TMEM272: variants seen among roughly 807,000 people sequenced by gnomAD.
TMEM272 encodes long intergenic non-protein coding RNA 282.
A neutral mutation model predicts 3.7 loss-of-function variants in TMEM272; 8 were observed. The observed-to-expected ratio is 2.17, with a 90% confidence interval of 1.27 to 3.91. The LOEUF (loss-of-function observed/expected upper bound fraction) is 3.91. TMEM272 is among the 30% of genes most tolerant of loss of function. TMEM272 has a pLI of 0.00. For synonymous variants in TMEM272, 63 were observed against 39.8 expected (o/e 1.58, Z -2.20); for missense variants, 166 against 91.5 (o/e 1.81, Z -3.32).
the TMEM272 span, among the ~76,000 whole-genome samples, chr13:51,851,063 T>C: frequency 6.6e-6 from 1 of 152,158 alleles, no homozygotes; most frequent in Non-Finnish European, 1.5e-5. Context: ...TTTTAAGATT[T>C]GTTTAAAAGA....
At chr13:51,822,496 A>C (rs564052969) in intron 3 of TMEM272, among the ~76,000 whole-genome samples, 1 of 152,322 alleles carries the variant, frequency 6.6e-6, no homozygotes, top group East Asian at 1.9e-4. Context: ...GATCCCTTTA[A>C]ATATACGGTT....
chr13:51,909,008 C>A, the TMEM272 span: 2 of 1,464,164 alleles, frequency 1.4e-6, no homozygotes, highest in South Asian at 2.3e-5. Context: ...GTGGACCCTC[C>A]AACAAAGTCG....
chr13:51,874,883 A>G, the TMEM272 span, among the ~76,000 whole-genome samples: 2 of 152,132 alleles, frequency 1.3e-5, no homozygotes, highest in Admixed American at 1.3e-4. Flanking sequence ...ATGAGCTCTT[A>G]AGTAATATAA....
chr13:51,837,838 G>C (rs543724247), intron 2 of TMEM272, among the ~76,000 whole-genome samples: 1 of 152,338 alleles, frequency 6.6e-6, no homozygotes, highest in African/African-American at 2.4e-5. Context: ...ACTGACTGCA[G>C]CTTCCTGATA....
intron 1 of TMEM272, among the ~76,000 whole-genome samples, chr13:51,841,133 A>G (rs929960547): frequency 6.6e-6 from 1 of 152,238 alleles, no homozygotes; most frequent in African/African-American, 2.4e-5. Context: ...TGATAAGCCC[A>G]GTTATCTAAA....
At chr13:51,880,139 C>T in the TMEM272 span, among the ~76,000 whole-genome samples, 1 of 152,110 alleles carries the variant, frequency 6.6e-6, no homozygotes, top group African/African-American at 2.4e-5. Context: ...GATTTGAGAA[C>T]ATTAGTAATA....
At chr13:51,854,793 A>G in the TMEM272 span, among the ~76,000 whole-genome samples, 19 of 152,276 alleles carry the variant, frequency 1.2e-4, no homozygotes, top group Non-Finnish European at 2.4e-4. Flanking sequence ...GAAATCAACA[A>G]ATGTTAGTTA....
At chr13:51,835,108 C>T (rs556738312) in intron 2 of TMEM272, among the ~76,000 whole-genome samples, 1 of 152,320 alleles carries the variant, frequency 6.6e-6, no homozygotes, top group African/African-American at 2.4e-5. Context: ...AGCTACTCCT[C>T]TGAGGCCGCC....
chr13:51,902,150 GAATA>G, the TMEM272 span, among the ~76,000 whole-genome samples: 1 of 152,198 alleles, frequency 6.6e-6, no homozygotes, highest in Non-Finnish European at 1.5e-5. Context: ...TTGGATGAAA[GAATA>G]AATATAGGTG....
chr13:51,908,061 T>C, the TMEM272 span, among the ~76,000 whole-genome samples: 1 of 152,226 alleles, frequency 6.6e-6, no homozygotes, highest in South Asian at 2.1e-4. Context: ...AAGATTCCTA[T>C]TTAAATCATC....
chr13:51,917,264 G>A, the TMEM272 span, among the ~76,000 whole-genome samples: 1 of 152,188 alleles, frequency 6.6e-6, no homozygotes, highest in South Asian at 2.1e-4. Context: ...CAGGTTGGTG[G>A]GGATGTGATG....
At chr13:51,919,540 T>A in the TMEM272 span, among the ~76,000 whole-genome samples, 1 of 152,144 alleles carries the variant, frequency 6.6e-6, no homozygotes, top group Non-Finnish European at 1.5e-5. Flanking sequence ...TTATTTTTTT[T>A]AATCTTCATG....
chr13:51,892,754 C>T, the TMEM272 span, among the ~76,000 whole-genome samples: 1 of 152,154 alleles, frequency 6.6e-6, no homozygotes, highest in Non-Finnish European at 1.5e-5. Flanking sequence ...CATGCAGCCC[C>T]TCCTCCACAG....
the TMEM272 span, among the ~76,000 whole-genome samples, chr13:51,891,677 G>A: frequency 6.6e-5 from 10 of 152,194 alleles, no homozygotes; most frequent in East Asian, 1.9e-4. Flanking sequence ...GAAGGATTCC[G>A]CAGGGGTGGG....
At chr13:51,917,000 C>A in the TMEM272 span, among the ~76,000 whole-genome samples, 1 of 152,184 alleles carries the variant, frequency 6.6e-6, no homozygotes, top group Non-Finnish European at 1.5e-5. Context: ...TTCCCTTATG[C>A]GGAGGAGGAC....
chr13:51,880,685 C>T, the TMEM272 span, among the ~76,000 whole-genome samples: 26 of 152,270 alleles, frequency 1.7e-4, no homozygotes, highest in African/African-American at 6.0e-4. Context: ...TGAAATTCTT[C>T]AAGACTATTT....
At chr13:51,910,586 C>G in the TMEM272 span, 1 of 658,600 alleles carries the variant, frequency 1.5e-6, no homozygotes, top group Admixed American at 1.9e-5. Flanking sequence ...GGACCAGCCC[C>G]AAGTACAGCT....
At chr13:51,892,738 G>A in the TMEM272 span, among the ~76,000 whole-genome samples, 2 of 152,042 alleles carry the variant, frequency 1.3e-5, no homozygotes, top group Non-Finnish European at 2.9e-5. Context: ...TCCTCAGGTG[G>A]CATCTCATGC....
chr13:51,892,538 GGAA>G, the TMEM272 span, among the ~76,000 whole-genome samples: 1 of 152,132 alleles, frequency 6.6e-6, no homozygotes, highest in Non-Finnish European at 1.5e-5. Context: ...AGGCATGGAT[GGAA>G]GAAGAGGGAA....
Sources: allele counts gnomAD v4.1 joint callset (sites outside exome capture counted in the v4.1 genomes callset), GRCh38; gene constraint gnomAD v4.1.1; transcripts MANE v1.5; gene names NCBI Gene and HGNC (gene_info 2026-07-23, HGNC 2026-07-21).